Variants in MAP4K5 observed in about 807,000 individuals in gnomAD.
MAP4K5 encodes MAPK/ERK kinase kinase kinase 5.
Under a neutral mutation model 135.6 loss-of-function variants are expected in MAP4K5, and 82 were observed. That is an observed-to-expected ratio of 0.60 (90% CI 0.51 to 0.73). MAP4K5 has a LOEUF of 0.73. Among genes scored for constraint, MAP4K5 ranks in the 30% least tolerant of loss-of-function variants. The pLI, the probability that MAP4K5 is intolerant of heterozygous loss-of-function variation, is 0.00. For missense variants in MAP4K5, 907 were observed against 1,010.9 expected, an observed-to-expected ratio of 0.90 and a Z score of 1.39; for synonymous variants, 347 against 335.0, an observed-to-expected ratio of 1.04 and a Z score of -0.39.
chr14:50,468,656 T>G lies in MAP4K5; in HGVS notation c.669A>C (p.Pro223=). The change falls in exon 10 of 33, where the codon CCA becomes CCC. Residue 223 remains proline (P), a synonymous_variant. Coordinates refer to ENST00000682126, the MANE Select transcript of MAP4K5 (RefSeq NM_006575.6). ...ATTATAAATAATGAGAACACCTCAT[T>G]GGGTGGAGATCAAACATAGGTGGCT... ...ELQPPMFDLH[P]MRALFLMSKS... is the part of the protein sequence containing the mutation. The G allele has an allele frequency of 6.2e-7, 1 of 1,613,294 alleles. No individual in the cohort carries two copies. The highest frequency in any genetic ancestry group is 8.5e-7 in the Non-Finnish European group (1 of 1,179,456).
chr14:50,450,502 C>CA (rs2036459513), intron 14 of MAP4K5: 1 of 152,092 alleles, frequency 6.6e-6, no homozygotes, highest in Admixed American at 6.6e-5. Flanking sequence ...GAGAAAGTAA[C>CA]AGTCTCAACA....
At chr14:50,540,296 A>G (rs1162896372) in intron 2 of MAP4K5, among the ~76,000 whole-genome samples, 1 of 152,236 alleles carries the variant, frequency 6.6e-6, no homozygotes, top group Non-Finnish European at 1.5e-5. Context: ...CTTAAGTGCC[A>G]TTTGACATAT....
intron 3 of MAP4K5, among the ~76,000 whole-genome samples, chr14:50,492,745 C>G (rs2037511435): frequency 6.6e-6 from 1 of 152,156 alleles, no homozygotes; most frequent in Non-Finnish European, 1.5e-5. Context: ...CTATCAGACT[C>G]ATGCCTATCC....
intron 2 of MAP4K5, among the ~76,000 whole-genome samples, chr14:50,541,459 A>T (rs2038558994): frequency 6.6e-6 from 1 of 152,210 alleles, no homozygotes; most frequent in Non-Finnish European, 1.5e-5. Flanking sequence ...CATCCACCTT[A>T]AAGATGCACA....
chr14:50,560,408 C>T (rs992422995), intron 1 of MAP4K5: 6 of 1,413,286 alleles, frequency 4.2e-6, no homozygotes, highest in Non-Finnish European at 5.8e-6. Context: ...CCTGCGTCCA[C>T]GGCTGGGAGA....
intron 1 of MAP4K5, among the ~76,000 whole-genome samples, chr14:50,551,714 T>C (rs1213925849): frequency 6.6e-6 from 1 of 152,154 alleles, no homozygotes; most frequent in Non-Finnish European, 1.5e-5. Context: ...TCAGGGATGG[T>C]TTAACATATG....
chr14:50,478,717 AT>A (rs1360720927), intron 6 of MAP4K5, among the ~76,000 whole-genome samples: 1 of 152,098 alleles, frequency 6.6e-6, no homozygotes, highest in Non-Finnish European at 1.5e-5. Context: ...TTTCTTAAAC[AT>A]TTCTTGTAGG....
intron 13 of MAP4K5, among the ~76,000 whole-genome samples, chr14:50,458,999 C>T (rs1173914111): frequency 2.0e-5 from 3 of 151,998 alleles, no homozygotes; most frequent in Admixed American, 2.0e-4. Context: ...TTTGTAGAGG[C>T]AGGGTCTCAC....
intron 30 of MAP4K5, among the ~76,000 whole-genome samples, chr14:50,426,710 C>T (rs573927692): frequency 3.7e-4 from 56 of 152,254 alleles, no homozygotes; most frequent in Non-Finnish European, 5.3e-4. Flanking sequence ...GGCGACAGAG[C>T]GAGACTCCGT....
At position 50,434,024 on chromosome 14, in the gene MAP4K5, G is replaced by A. The variant is rs148084280; in HGVS notation, c.2164+370C>T. 1.9e-3 allele frequency among the ~76,000 whole-genome samples: 296 copies of A among 152,298 alleles called. 3 individuals carry two copies. The highest frequency in any genetic ancestry group is 1.0e-3 in the Non-Finnish European group (70 of 68,014). On this transcript the variant is annotated intron_variant, in intron 28 of 32. Transcript: ENST00000682126. ...GCCACATTCACTGATTCTAAGAAGT[G>A]AGCGGGGAAGACAGGATAAAACAGG...
intron 1 of MAP4K5, among the ~76,000 whole-genome samples, chr14:50,551,620 A>G (rs1027354722): frequency 6.6e-6 from 1 of 152,176 alleles, no homozygotes; most frequent in African/African-American, 2.4e-5. Context: ...GATGCAAAAA[A>G]TTGTAACAAA....
chr14:50,440,416 T>G lies in MAP4K5; in HGVS notation c.1590A>C (p.Glu530Asp). Reference sequence around the variant, plus strand: ...TGAGATTCAGTGTGTAAATACCATCTTCAGTTCCAAAAATAATGTACTGAT... The same window carrying G: ...TGAGATTCAGTGTGTAAATACCATCGTCAGTTCCAAAAATAATGTACTGAT... The part of the protein sequence containing the change: ...TKDQYIIFGT[E>D]DGIYTLNLNE... Residue 530 changes from glutamate to aspartate, a missense_variant, in exon 22 of 33, where the codon GAA (glutamate) becomes GAC (aspartate). Around this residue, in one of 3 missense-constraint regions of MAP4K5, gnomAD observed 690 missense variants for 777.4 expected, o/e 0.89. Coordinates refer to ENST00000682126, the MANE Select transcript of MAP4K5 (RefSeq NM_006575.6). 1 of 1,598,142 alleles carries G rather than the reference T, an allele frequency of 6.3e-7. No individual in the cohort carries two copies. The highest frequency in any genetic ancestry group is 8.6e-7 in the Non-Finnish European group (1 of 1,168,668).
chr14:50,504,875 A>T lies in MAP4K5; in HGVS notation c.109-18T>A. ...TTTCTGGCCTAAAAATAAAATAAAAACAAAAATCTTGTTAATTAAAAGCTT... is the reference window on the plus strand; with the variant it reads ...TTTCTGGCCTAAAAATAAAATAAAATCAAAAATCTTGTTAATTAAAAGCTT... On this transcript the variant is annotated intron_variant, in intron 2 of 32. Transcript: ENST00000682126. The T allele has an allele frequency of 6.6e-6, 10 of 1,505,964 alleles. No individual in the cohort carries two copies. The highest frequency in any genetic ancestry group is 8.9e-6 in the Non-Finnish European group (10 of 1,122,536). The allele number at this position is 1,505,964 out of a possible 1,614,324, so 93.3% of individuals were successfully genotyped here.
At chr14:50,494,986 C>CCAGCCTGGGTG (rs1449336954) in intron 3 of MAP4K5, among the ~76,000 whole-genome samples, 1 of 152,102 alleles carries the variant, frequency 6.6e-6, no homozygotes, top group Non-Finnish European at 1.5e-5. Flanking sequence ...TAGAAGAAAT[C>CCAGCCTGGGTG]ACAGAAGAAA....
chr14:50,482,918 A>G (rs950852107), intron 5 of MAP4K5: 2 of 152,830 alleles, frequency 1.3e-5, no homozygotes, highest in Admixed American at 1.3e-4. Context: ...AAAAGGTAAC[A>G]CTGAGAATTT....
intron 21 of MAP4K5, 77 bp from the exon 22 acceptor site, chr14:50,440,518 G>T: frequency 2.8e-6 from 2 of 719,920 alleles, no homozygotes; most frequent in Non-Finnish European, 4.6e-6. Flanking sequence ...ACTTTACATT[G>T]TAATGGCATC....
intron 3 of MAP4K5, among the ~76,000 whole-genome samples, chr14:50,499,491 C>T (rs189575113): frequency 1.3e-5 from 2 of 152,136 alleles, no homozygotes; most frequent in Admixed American, 1.3e-4. Flanking sequence ...AACTCTGTCT[C>T]TACTAAAAAT....
chr14:50,547,709 G>A lies in MAP4K5; in HGVS notation c.-179-5125C>T, dbSNP rs1008772422. Among the ~76,000 whole-genome samples the A allele has an allele frequency of 2.0e-5, 3 of 152,320 alleles. No individual in the cohort carries two copies. The East Asian group carries it at 5.8e-4, about 29-fold the overall frequency. On this transcript the variant is annotated intron_variant, in intron 1 of 8. Coordinates refer to the MAP4K5 transcript ENST00000555216. ...TGAGCTAAATGAGGTGGTGCTGCTT[G>A]TATCTGCTGCCGTACCCAATATTAC...
At chr14:50,442,070 C>A (rs911252574) in intron 21 of MAP4K5, among the ~76,000 whole-genome samples, 1 of 152,008 alleles carries the variant, frequency 6.6e-6, no homozygotes, top group Admixed American at 6.6e-5. Context: ...AGTGGGAATC[C>A]AAACCCAGAT....
Sources: gnomAD v4.1 joint callset for allele counts (sites outside exome capture counted in the v4.1 genomes callset) on GRCh38, gnomAD v4.1.1 for gene constraint, gnomAD v4.1.1 regional missense constraint, MANE v1.5 for transcripts, NCBI Gene and HGNC (gene_info 2026-07-23, HGNC 2026-07-21) for gene names.